Variants in ZFP1 observed in about 807,000 individuals in gnomAD.
ZFP1 encodes the protein zinc finger protein 1 homolog.
ZFP1 carries 32 observed loss-of-function variants against 38.5 expected under a neutral mutation model. That is an observed-to-expected ratio of 0.83 (90% CI 0.63 to 1.12). ZFP1 has a LOEUF of 1.12. Among genes scored for constraint, ZFP1 ranks in the 50% most tolerant of loss-of-function variants. The pLI, the probability that ZFP1 is intolerant of heterozygous loss-of-function variation, is 0.00. For synonymous variants in ZFP1, 245 were observed against 168.8 expected, an observed-to-expected ratio of 1.45 and a Z score of -3.50; for missense variants, 616 against 480.8, an observed-to-expected ratio of 1.28 and a Z score of -2.63.
At position 75,154,317 on chromosome 16, in the gene ZFP1, C is replaced by T. The variant is rs565023954; in HGVS notation, c.15+1351C>T. 2.0e-3 allele frequency among the ~76,000 whole-genome samples: 306 copies of T among 152,186 alleles called. 1 individual carries two copies. Among genetic ancestry groups the T allele is most frequent in the Non-Finnish European group, 3.9e-3 (262 of 68,026 alleles). ...GAATATGTCATGATGTGATGTACCA[C>T]GGTTTATTTATCCATTCACATATTG... On this transcript the variant is annotated intron_variant, in intron 2 of 3. Transcript: ENST00000570010.
chr16:75,170,605 G>A lies in ZFP1; in HGVS notation c.*271G>A. The A allele has an allele frequency of 2.8e-6, 1 of 352,992 alleles. No individual in the cohort carries two copies. The highest frequency in any genetic ancestry group is 5.0e-6 in the Non-Finnish European group (1 of 199,508). The allele number at this position is 352,992 out of a possible 1,614,324, so 21.9% of individuals were successfully genotyped here. A position where few individuals can be genotyped will look rare whatever the true frequency, so the allele number is the denominator to read the frequency against. ...CTTTTTAAAATCTTGAATGAATTGA[G>A]TATTCTAGACAGCAGCATAAGAAAT... On this transcript the variant is annotated 3_prime_UTR_variant, in exon 4 of 4. Coordinates refer to ENST00000570010, the MANE Select transcript of ZFP1 (RefSeq NM_153688.4).
chr16:75,168,899 C>T lies in ZFP1; in HGVS notation c.143-354C>T, dbSNP rs1186007621. On this transcript the variant is annotated intron_variant, in intron 3 of 3. Coordinates refer to ENST00000570010, the MANE Select transcript of ZFP1 (RefSeq NM_153688.4). ...ACTTTCTCGGTCTCTGTGCTAACTG[C>T]AGTGTCCTTAAGAACACTGTGAATC... 2.6e-5 allele frequency among the ~76,000 whole-genome samples: 4 copies of T among 152,190 alleles called. No individual in the cohort carries two copies. In the East Asian group the frequency reaches 7.7e-4, roughly 29 times the overall value.
chr16:75,167,803 C>T (rs532038541), intron 3 of ZFP1, among the ~76,000 whole-genome samples: 42 of 152,164 alleles, frequency 2.8e-4, no homozygotes, highest in African/African-American at 9.1e-4. Flanking sequence ...CTCTGTAGAA[C>T]TCCTGACCCC....
chr16:75,146,344 T>G (rs1441431889), upstream of ZFP1, among the ~76,000 whole-genome samples: 1 of 152,052 alleles, frequency 6.6e-6, no homozygotes, highest in East Asian at 1.9e-4. Context: ...TATTTTTGTA[T>G]TTTTATTAGA....
At chr16:75,153,912 G>A (rs1048772980) in intron 2 of ZFP1, among the ~76,000 whole-genome samples, 3 of 152,160 alleles carry the variant, frequency 2.0e-5, no homozygotes, top group Admixed American at 2.0e-4. Context: ...CTCCCTAGTC[G>A]TGTCTTTTCT....
At chr16:75,155,566 A>G (rs2037429400) in intron 2 of ZFP1, among the ~76,000 whole-genome samples, 1 of 152,240 alleles carries the variant, frequency 6.6e-6, no homozygotes, top group South Asian at 2.1e-4. Context: ...GTGTATTAAG[A>G]CATAACACTC....
intron 2 of ZFP1, among the ~76,000 whole-genome samples, chr16:75,164,506 C>T (rs913996289): frequency 1.3e-5 from 2 of 152,062 alleles, no homozygotes; most frequent in African/African-American, 4.8e-5. Flanking sequence ...TGCTGGTTTG[C>T]TGTTGCTTTT....
chr16:75,141,031 C>G, the ZFP1 span, among the ~76,000 whole-genome samples: 1 of 151,938 alleles, frequency 6.6e-6, no homozygotes, highest in African/African-American at 2.4e-5. Flanking sequence ...CATTTTGAAA[C>G]CTGGCAAGGA....
chr16:75,160,738 G>C (rs2037728946), intron 2 of ZFP1, among the ~76,000 whole-genome samples: 1 of 151,982 alleles, frequency 6.6e-6, no homozygotes, highest in Admixed American at 6.6e-5. Flanking sequence ...TGCTGGTGAA[G>C]GCCTGGTCTC....
At chr16:75,166,556 T>G in intron 2 of ZFP1, 2 of 985,250 alleles carry the variant, frequency 2.0e-6, no homozygotes, top group Non-Finnish European at 2.4e-6. Context: ...CTGAGACACC[T>G]ATCAAATATG....
At chr16:75,139,275 A>G in the ZFP1 span, among the ~76,000 whole-genome samples, 1 of 144,670 alleles carries the variant, frequency 6.9e-6, no homozygotes, top group East Asian at 2.1e-4. Flanking sequence ...AGGCTGAGGC[A>G]GGAGAATGGC....
At chr16:75,128,641 C>A in the ZFP1 span, among the ~76,000 whole-genome samples, 2 of 152,134 alleles carry the variant, frequency 1.3e-5, no homozygotes, top group South Asian at 2.1e-4. Flanking sequence ...ATTTTTCCTT[C>A]TTTTTTTCCC....
intron 2 of ZFP1, among the ~76,000 whole-genome samples, chr16:75,156,372 G>T (rs867645168): frequency 6.6e-6 from 1 of 152,132 alleles, no homozygotes; most frequent in Non-Finnish European, 1.5e-5. Context: ...CAGGAGAATC[G>T]CTTGAACCCA....
rs537154765 is a variant in ZFP1 at position 75,160,677 on chromosome 16, G to T, written c.16-6093G>T. Among the ~76,000 whole-genome samples the T allele has an allele frequency of 6.4e-3, 941 of 146,804 alleles. 2 individuals carry two copies. Among genetic ancestry groups the T allele is most frequent in the Non-Finnish European group, 8.8e-3 (585 of 66,570 alleles). On this transcript the variant is annotated intron_variant, in intron 2 of 3. Transcript: ENST00000570010. ...GCCTCAAAAAAAAAAAAAAAAAAAG[G>T]AAGAAATTTATTTTCTCACAGTTCT... is the stretch of plus-strand genomic sequence containing the variant.
At chr16:75,122,151 C>G in the ZFP1 span, among the ~76,000 whole-genome samples, 16 of 152,180 alleles carry the variant, frequency 1.1e-4, no homozygotes, top group Non-Finnish European at 1.9e-4. Flanking sequence ...GCAGATGAAA[C>G]AATGGTGAGA....
At chr16:75,158,379 C>G (rs1032030145) in intron 2 of ZFP1, among the ~76,000 whole-genome samples, 15 of 150,940 alleles carry the variant, frequency 9.9e-5, no homozygotes, top group Non-Finnish European at 2.1e-4. Flanking sequence ...GACAGGATCT[C>G]TCTTTCTCAC....
intron 2 of ZFP1, among the ~76,000 whole-genome samples, chr16:75,159,268 C>CT (rs2037627245): frequency 7.2e-6 from 1 of 139,064 alleles, no homozygotes; most frequent in African/African-American, 2.6e-5. Flanking sequence ...CTTTCCCTTC[C>CT]TTCCCTCACT....
chr16:75,123,477 A>C, the ZFP1 span, among the ~76,000 whole-genome samples: 5 of 123,336 alleles, frequency 4.1e-5, no homozygotes, highest in African/African-American at 1.6e-4. Flanking sequence ...ATATATATAT[A>C]TATATATATA....
the ZFP1 span, among the ~76,000 whole-genome samples, chr16:75,122,797 C>T: frequency 6.6e-6 from 1 of 152,140 alleles, no homozygotes; most frequent in African/African-American, 2.4e-5. Flanking sequence ...TTAGTTTGGC[C>T]TATGCCCAGG....
Sources: allele counts gnomAD v4.1 joint callset (sites outside exome capture counted in the v4.1 genomes callset), GRCh38; gene constraint gnomAD v4.1.1; transcripts MANE v1.5; gene names NCBI Gene and HGNC (gene_info 2026-07-23, HGNC 2026-07-21).